The following ASTN2 variants were observed in gnomAD, a reference collection of about 807,000 sequenced individuals.
ASTN2 encodes the protein astrotactin-2.
ASTN2 carries 54 observed loss-of-function variants against 139.8 expected under a neutral mutation model. The ratio of observed to expected loss-of-function variants is 0.39; its 90% CI spans 0.31 to 0.48. The LOEUF (loss-of-function observed/expected upper bound fraction) is 0.48. Ranked by LOEUF, ASTN2 falls within the 20% of genes least tolerant of loss-of-function variation. The pLI is 0.95. For missense variants in ASTN2, 1,565 were observed against 1,725.1 expected (o/e 0.91, Z 1.64); for synonymous variants, 756 against 719.5 (o/e 1.05, Z -0.81).
At chr9:116,435,327 G>A (rs1167346537) in intron 22 of ASTN2, among the ~76,000 whole-genome samples, 2 of 152,182 alleles carry the variant, frequency 1.3e-5, no homozygotes, top group Non-Finnish European at 2.9e-5. Context: ...TTTACACTGT[G>A]ATGTTCTGCA....
chr9:117,149,519 G>A (rs1377134151), intron 3 of ASTN2, among the ~76,000 whole-genome samples: 3 of 151,852 alleles, frequency 2.0e-5, no homozygotes, highest in Non-Finnish European at 2.9e-5. Flanking sequence ...TTGTGTCCTC[G>A]GGCTTTGGAC....
At chr9:117,374,947 C>T (rs1301732587) in intron 1 of ASTN2, among the ~76,000 whole-genome samples, 1 of 152,158 alleles carries the variant, frequency 6.6e-6, no homozygotes, top group Non-Finnish European at 1.5e-5. Flanking sequence ...TGGTTCCCCA[C>T]CCTGTCTTTT....
Position 116,681,253 on chromosome 9 carries a change from A to G in ASTN2, c.2807-29460T>C, listed in dbSNP as rs181178620. Among the ~76,000 whole-genome samples, 7 of 152,356 alleles carry G rather than the reference A, an allele frequency of 4.6e-5. No homozygotes were observed. In the East Asian group the frequency reaches 1.3e-3, roughly 29 times the overall value. ...TAACAGACAAACGGAGAGCCAAATC[A>G]TAAGTGAACTCCCATTCACAATTGC... On this transcript the variant is annotated intron_variant, in intron 16 of 22. Transcript: ENST00000313400.
intron 20 of ASTN2, 41 bp from the exon 21 acceptor site, chr9:116,442,594 C>T: frequency 6.5e-7 from 1 of 1,541,722 alleles, no homozygotes; most frequent in Non-Finnish European, 9.0e-7. Flanking sequence ...GCTGTGACTT[C>T]ACAGAAGGCC....
intron 12 of ASTN2, among the ~76,000 whole-genome samples, chr9:116,815,816 A>AAAAAAAAAAAAAAC (rs1564283204): frequency 4.3e-5 from 6 of 140,982 alleles, no homozygotes; most frequent in African/African-American, 1.7e-4. Flanking sequence ...AAAAAAAAAA[A>AAAAAAAAAAAAAAC]AAAAAAAAAA....
chr9:116,534,370 G>A (rs1466757020), intron 19 of ASTN2, among the ~76,000 whole-genome samples: 1 of 152,034 alleles, frequency 6.6e-6, no homozygotes, highest in African/African-American at 2.4e-5. Context: ...CTTCAGTTCT[G>A]CTCTGATCTT....
At chr9:117,042,583 G>A (rs950238097) in intron 5 of ASTN2, among the ~76,000 whole-genome samples, 29 of 151,994 alleles carry the variant, frequency 1.9e-4, no homozygotes, top group African/African-American at 6.8e-4. Context: ...AAATGAACAT[G>A]ATTATCTCTT....
intron 4 of ASTN2, among the ~76,000 whole-genome samples, chr9:117,129,277 C>T (rs941359271): frequency 2.6e-5 from 4 of 152,146 alleles, no homozygotes; most frequent in Non-Finnish European, 2.9e-5. Context: ...TTCCTCCCTC[C>T]GTTCCTCAAA....
intron 1 of ASTN2, among the ~76,000 whole-genome samples, chr9:117,303,652 T>C (rs983818559): frequency 6.6e-5 from 10 of 152,204 alleles, no homozygotes; most frequent in African/African-American, 2.2e-4. Context: ...TTTTCACTGT[T>C]CTCTGTTTCA....
intron 1 of ASTN2, among the ~76,000 whole-genome samples, chr9:117,344,118 T>A (rs1460090172): frequency 1.3e-5 from 2 of 151,506 alleles, no homozygotes; most frequent in Admixed American, 1.3e-4. Context: ...GGAAAGGAGA[T>A]CTCTCCAGCA....
intron 10 of ASTN2, among the ~76,000 whole-genome samples, chr9:116,898,116 G>A (rs2132399407): frequency 6.6e-6 from 1 of 152,234 alleles, no homozygotes; most frequent in African/African-American, 2.4e-5. Context: ...TAATGTGGAA[G>A]GAGTTTGAAG....
intron 16 of ASTN2, among the ~76,000 whole-genome samples, chr9:116,706,584 G>T (rs1337762651): frequency 6.6e-6 from 1 of 151,808 alleles, no homozygotes; most frequent in African/African-American, 2.4e-5. Flanking sequence ...TATCTATTTG[G>T]TCCTAATGTA....
At chr9:117,396,440 TTC>T (rs1469316639) in intron 1 of ASTN2, among the ~76,000 whole-genome samples, 1 of 152,220 alleles carries the variant, frequency 6.6e-6, no homozygotes, top group Non-Finnish European at 1.5e-5. Flanking sequence ...CCAATTTGTT[TTC>T]CAGACCTGCT....
At chr9:116,918,302 G>A (rs1834509483) in intron 10 of ASTN2, among the ~76,000 whole-genome samples, 1 of 152,204 alleles carries the variant, frequency 6.6e-6, no homozygotes, top group South Asian at 2.1e-4. Flanking sequence ...GAAACAGGGA[G>A]GGCTTTCTGC....
intron 19 of ASTN2, among the ~76,000 whole-genome samples, chr9:116,574,909 A>G (rs1853663729): frequency 1.3e-5 from 2 of 152,196 alleles, no homozygotes; most frequent in Non-Finnish European, 2.9e-5. Flanking sequence ...CTGGCATTCA[A>G]TGAAAGACAA....
chr9:116,919,230 T>C (rs990235591), intron 10 of ASTN2, among the ~76,000 whole-genome samples: 1 of 152,076 alleles, frequency 6.6e-6, no homozygotes, highest in Admixed American at 6.6e-5. Flanking sequence ...AAACAAGAAG[T>C]TTGATGTGGT....
intron 10 of ASTN2, among the ~76,000 whole-genome samples, chr9:116,955,045 A>G (rs1835672030): frequency 6.6e-6 from 1 of 152,242 alleles, no homozygotes; most frequent in Admixed American, 6.5e-5. Context: ...GCAGAATGAG[A>G]AGGCACAAGA....
At chr9:116,471,534 G>A (rs1003056436) in intron 20 of ASTN2, among the ~76,000 whole-genome samples, 16 of 151,994 alleles carry the variant, frequency 1.1e-4, no homozygotes, top group Non-Finnish European at 2.4e-4. Context: ...GAACAAACAC[G>A]CGAAGAATGT....
chr9:117,008,824 G>A (rs1837432636), intron 6 of ASTN2, among the ~76,000 whole-genome samples: 1 of 152,216 alleles, frequency 6.6e-6, no homozygotes, highest in Non-Finnish European at 1.5e-5. Flanking sequence ...CTGGCTGAGT[G>A]TGAGGGAAAT....
Sources: allele counts gnomAD v4.1 joint callset (sites outside exome capture counted in the v4.1 genomes callset), GRCh38; gene constraint gnomAD v4.1.1; transcripts MANE v1.5; gene names NCBI Gene and HGNC (gene_info 2026-07-23, HGNC 2026-07-21).